The following MTMR14 variants were observed in gnomAD, a reference collection of about 807,000 sequenced individuals.
The protein encoded by MTMR14 is myotubularin related protein 14.
In MTMR14, 48 loss-of-function variants were observed where a neutral mutation model predicts 86.3. The observed-to-expected ratio is 0.56, with a 90% CI of 0.44 to 0.71. The LOEUF (loss-of-function observed/expected upper bound fraction) is 0.71, where lower values mean the gene tolerates loss of function less well. MTMR14 is among the 30% of genes least tolerant of loss of function. The pLI is 0.00. For missense variants in MTMR14, 780 were observed against 834.6 expected (o/e 0.93, Z 0.81); for synonymous variants, 366 against 326.1 (o/e 1.12, Z -1.32).
Position 9,701,049 on chromosome 3 carries a change from C to T in MTMR14, c.1770-741C>T, listed in dbSNP as rs2076440088. 6.6e-6 allele frequency: 1 copy of T among 152,366 alleles called. No homozygotes were observed. The highest frequency in any genetic ancestry group is 1.5e-5 in the Non-Finnish European group (1 of 68,180). 9.4% of individuals were successfully genotyped at this position (152,366 alleles called of 1,614,324 possible). On this transcript the variant is annotated intron_variant, in intron 18 of 18. Coordinates refer to ENST00000296003, the MANE Select transcript of MTMR14 (RefSeq NM_001077525.3). The surrounding 1 kb of genome is among the most constrained non-coding windows in gnomAD (Gnocchi z 4.2). ...GGCCAAGCTAGTCTCGAACTCCTGA[C>T]CTGCCTCGGCCTCCCAAAGTGCTGG...
rs1424151388 is a variant in MTMR14, at chr3:9,677,643, C to T, written c.822+256C>T. On this transcript the variant is annotated intron_variant, in intron 8 of 18. Transcript: ENST00000296003. The surrounding 1 kb of genome is among the most constrained non-coding windows in gnomAD (Gnocchi z 4.2). The stretch of plus-strand genomic sequence containing the variant: ...TTTTCAGAAACAAGATAGGAAAAGC[C>T]CTTCCCTTCTGTACTCTCTGTGTGA... 2.0e-5 allele frequency among the ~76,000 whole-genome samples: 3 copies of T among 152,114 alleles called. No individual in the cohort carries two copies. Among genetic ancestry groups the T allele is most frequent in the Non-Finnish European group, 2.9e-5 (2 of 68,006 alleles).
chr3:9,678,926 A>G (rs2075669449), intron 9 of MTMR14, among the ~76,000 whole-genome samples: 1 of 152,178 alleles, frequency 6.6e-6, no homozygotes, highest in Non-Finnish European at 1.5e-5. Flanking sequence ...AACTTGAAAG[A>G]CTGAGCCAGT....
intron 17 of MTMR14, among the ~76,000 whole-genome samples, chr3:9,696,818 A>C (rs2076294243): frequency 2.0e-5 from 3 of 152,108 alleles, no homozygotes; most frequent in South Asian, 4.1e-4. Context: ...TTTTGGATGA[A>C]AGAATAAAGG....
chr3:9,659,187 G>A (rs1479914026), intron 2 of MTMR14, among the ~76,000 whole-genome samples: 2 of 152,100 alleles, frequency 1.3e-5, no homozygotes, highest in Non-Finnish European at 2.9e-5. Context: ...GAACCATGGC[G>A]CCACTGCACT....
intron 10 of MTMR14, 64 bp from the exon 11 acceptor site, chr3:9,684,521 C>T: frequency 1.3e-6 from 2 of 1,538,316 alleles, no homozygotes; most frequent in Non-Finnish European, 1.8e-6. Flanking sequence ...GCTGGTGGTA[C>T]TTCCTGCTCA....
At chr3:9,659,628 T>C (rs1270879965) in intron 2 of MTMR14, 5 of 447,328 alleles carry the variant, frequency 1.1e-5, no homozygotes, top group South Asian at 3.1e-5. Context: ...AGTTTTAGTA[T>C]AGACGGGGTT....
Position 9,677,396 on chromosome 3 carries a change from A to G in MTMR14, c.822+9A>G. On this transcript the variant is annotated intron_variant, in intron 8 of 18. Coordinates refer to ENST00000296003, the MANE Select transcript of MTMR14 (RefSeq NM_001077525.3). The surrounding 1 kb of genome is among the most constrained non-coding windows in gnomAD (Gnocchi z 4.2). ...TATTTAACTGGAAGCAGGTATGAGCAATAACATACATCAAATTGGATCTAT... is the reference window on the plus strand; with the variant it reads ...TATTTAACTGGAAGCAGGTATGAGCGATAACATACATCAAATTGGATCTAT... 6.2e-7 allele frequency: 1 copy of G among 1,611,176 alleles called. No homozygotes were observed.
In MTMR14 at chr3:9,677,368, T is replaced by C; in HGVS notation, c.803T>C (p.Leu268Pro). ...YKDRDYMAEG[L>P]IFNWKQDYVD... ...GATCGGGATTACATGGCAGAAGGGCTCATATTTAACTGGAAGCAGGTATGA... is the reference window on the plus strand; with the variant it reads ...GATCGGGATTACATGGCAGAAGGGCCCATATTTAACTGGAAGCAGGTATGA... Residue 268 changes from leucine (L) to proline (P), a missense_variant, in exon 8 of 19, where the codon CTC (leucine) becomes CCC (proline). Coordinates refer to ENST00000296003, the MANE Select transcript of MTMR14 (RefSeq NM_001077525.3). The surrounding 1 kb of genome is among the most constrained non-coding windows in gnomAD (Gnocchi z 4.2). 1.9e-6 allele frequency: 3 copies of C among 1,614,056 alleles called. No homozygotes were observed. The highest frequency in any genetic ancestry group is 2.5e-6 in the Non-Finnish European group (3 of 1,179,928).
chr3:9,667,451 CA>C (rs2048318833), intron 3 of MTMR14, among the ~76,000 whole-genome samples: 2 of 150,854 alleles, frequency 1.3e-5, no homozygotes, highest in Non-Finnish European at 3.0e-5. Context: ...TTTTTTTTTT[CA>C]GGAGATAGTT....
At chr3:9,657,086 T>A (rs898017338) in intron 2 of MTMR14, among the ~76,000 whole-genome samples, 5 of 152,032 alleles carry the variant, frequency 3.3e-5, no homozygotes, top group African/African-American at 1.2e-4. Flanking sequence ...CTGATTTTTT[T>A]TAATTTTTAG....
chr3:9,667,544 G>A (rs2048322882), intron 3 of MTMR14, among the ~76,000 whole-genome samples: 1 of 152,026 alleles, frequency 6.6e-6, no homozygotes, highest in East Asian at 1.9e-4. Context: ...TCCTACTTAA[G>A]CCAGCAGGAA....
intron 7 of MTMR14, among the ~76,000 whole-genome samples, chr3:9,674,777 T>TC (rs1201953439): frequency 3.9e-5 from 6 of 152,292 alleles, no homozygotes; most frequent in African/African-American, 1.4e-4. Context: ...GCCAAAATGT[T>TC]AAGATGCCTG....
At chr3:9,685,884 C>T (rs998176011) in intron 13 of MTMR14, among the ~76,000 whole-genome samples, 3 of 152,112 alleles carry the variant, frequency 2.0e-5, no homozygotes, top group African/African-American at 7.2e-5. Context: ...TGAGTGTGTT[C>T]CCTAGTTGGC....
chr3:9,692,577 A>G (rs2076168826), intron 17 of MTMR14, among the ~76,000 whole-genome samples: 1 of 152,178 alleles, frequency 6.6e-6, no homozygotes. Flanking sequence ...TCCACCTTGC[A>G]TGGCCTCGGC....
chr3:9,684,473 C>T (rs907169694), intron 10 of MTMR14, 112 bp from the exon 11 acceptor site: 11 of 986,584 alleles, frequency 1.1e-5, no homozygotes, highest in South Asian at 1.0e-4. Context: ...CTGGGGAAGA[C>T]AGAAGCTGGT....
rs775378381 is a variant in MTMR14, at chr3:9,697,789, T to G, written c.1692T>G (p.Ser564Arg). The change falls in exon 18 of 19, where the codon AGT becomes AGG. Residue 564 changes from serine (S) to arginine (R), a missense_variant. Coordinates refer to ENST00000296003, the MANE Select transcript of MTMR14 (RefSeq NM_001077525.3). ...GSWQMVTGCG[S>R]IQERAVLHTD... ...GGCAGATGGTAACGGGCTGTGGCAG[T>G]ATTCAGGAGCGGGCTGTCCTGCACA... 4 of 1,614,186 alleles carry G rather than the reference T, an allele frequency of 2.5e-6. No homozygotes were observed. The East Asian group carries it at 8.9e-5, about 36-fold the overall frequency.
At chr3:9,678,771 A>G (rs1487716622) in intron 9 of MTMR14, among the ~76,000 whole-genome samples, 1 of 152,106 alleles carries the variant, frequency 6.6e-6, no homozygotes, top group Non-Finnish European at 1.5e-5. Context: ...CTGCATCTAT[A>G]TTCCCATTAA....
rs929776177 is a variant in MTMR14 at position 9,660,037 on chromosome 3, A to C, written c.309-2230A>C. On this transcript the variant is annotated intron_variant, in intron 2 of 18. Coordinates refer to ENST00000296003, the MANE Select transcript of MTMR14 (RefSeq NM_001077525.3). The stretch of plus-strand genomic sequence containing the variant: ...GCAGATGGTGCTGACCAGATATGTG[A>C]CATCGGCCACGGGCCAAGTAAGTGG... Among the ~76,000 whole-genome samples the C allele has an allele frequency of 5.9e-5, 9 of 152,338 alleles. No individual in the cohort carries two copies. In the South Asian group the frequency reaches 1.9e-3, roughly 32 times the overall value.
intron 3 of MTMR14, among the ~76,000 whole-genome samples, chr3:9,668,450 TAC>T (rs985896910): frequency 6.6e-6 from 1 of 152,202 alleles, no homozygotes; most frequent in Non-Finnish European, 1.5e-5. Context: ...CAGCACGTGG[TAC>T]ACATGCAACA....
Sources: gnomAD v4.1 joint callset for allele counts (sites outside exome capture counted in the v4.1 genomes callset) on GRCh38, gnomAD v4.1.1 for gene constraint, Gnocchi (gnomAD v3.1) non-coding constraint, MANE v1.5 for transcripts, NCBI Gene and HGNC (gene_info 2026-07-23, HGNC 2026-07-21) for gene names.